UTP15: variants seen among roughly 807,000 people sequenced by gnomAD.
UTP15 encodes the protein UTP15 small subunit processome component, also known as U3 small nucleolar RNA-associated protein 15 homolog.
In UTP15, 5 loss-of-function variants were observed where a neutral mutation model predicts 59.1. The ratio of observed to expected loss-of-function variants is 0.08; its 90% CI spans 0.04 to 0.18. The LOEUF is 0.18. Ranked by LOEUF, UTP15 falls within the 10% of genes least tolerant of loss-of-function variation. The pLI, the probability that UTP15 is intolerant of heterozygous loss-of-function variation, is 1.00. For synonymous variants in UTP15, 211 were observed against 212.2 expected, an observed-to-expected ratio of 0.99 and a Z score of 0.05; for missense variants, 494 against 616.7, an observed-to-expected ratio of 0.80 and a Z score of 2.11.
At chr5:73,577,715 T>C in intron 8 of UTP15, 141 bp from the exon 9 acceptor site, 1 of 689,530 alleles carries the variant, frequency 1.5e-6, no homozygotes. Context: ...CAATCATCGT[T>C]AGGCAGACTA....
Position 73,580,498 on chromosome 5 carries a change from C to G in UTP15, c.*404C>G, listed in dbSNP as rs1408269545. ...GCCTTGTATTACCTCTGGAAGACAA[C>G]AAAAACAATTGGCAACAACAAAAAG... On this transcript the variant is annotated 3_prime_UTR_variant, in exon 13 of 13. Coordinates refer to ENST00000296792, the MANE Select transcript of UTP15 (RefSeq NM_032175.4). 1 of 153,946 alleles carries G rather than the reference C, an allele frequency of 6.5e-6. No individual in the cohort carries two copies. The highest frequency in any genetic ancestry group is 2.4e-5 in the African/African-American group (1 of 41,476). 9.5% of individuals were successfully genotyped at this position (153,946 alleles called of 1,614,324 possible).
chr5:73,568,188 G>A (rs773484102), intron 2 of UTP15, 47 bp from the exon 3 acceptor site: 27 of 1,386,432 alleles, frequency 1.9e-5, no homozygotes, highest in Non-Finnish European at 1.0e-6. Context: ...GCATAAATAG[G>A]TCTTACCAGT....
chr5:73,578,678 A>T (rs912395569), intron 9 of UTP15, 73 bp from the exon 10 acceptor site: 4 of 1,316,960 alleles, frequency 3.0e-6, no homozygotes, highest in Middle Eastern at 1.9e-4. Context: ...CTTCATTATG[A>T]AAAAGTTTAT....
intron 1 of UTP15, chr5:73,566,167 T>G: frequency 4.2e-6 from 1 of 240,266 alleles, no homozygotes; most frequent in East Asian, 1.1e-4. Flanking sequence ...TCTTTGCCTT[T>G]GCTTACGAGG....
rs558636328 is a variant in UTP15 at position 73,572,305 on chromosome 5, T to C, written c.674-184T>C. On this transcript the variant is annotated intron_variant, in intron 6 of 12. Coordinates refer to ENST00000296792, the MANE Select transcript of UTP15 (RefSeq NM_032175.4). ...TAATGGTCATAACAGTTCTGTGAGG[T>C]AGGAACTGTTATTACCAATGACCCA... 7.9e-5 allele frequency among the ~76,000 whole-genome samples: 12 copies of C among 152,292 alleles called. No individual in the cohort carries two copies. The East Asian group carries it at 2.3e-3, about 29-fold the overall frequency.
chr5:73,578,632 T>C (rs1357333735), intron 9 of UTP15, 119 bp from the exon 10 acceptor site: 1 of 809,812 alleles, frequency 1.2e-6, no homozygotes, highest in Non-Finnish European at 2.0e-6. Flanking sequence ...ATTATGGGCA[T>C]ATGAACATTA....
intron 8 of UTP15, 144 bp from the exon 9 acceptor site, chr5:73,577,712 C>T (rs1212514713): frequency 3.0e-6 from 2 of 674,062 alleles, no homozygotes; most frequent in Non-Finnish European, 4.8e-6. Flanking sequence ...CACCAATCAT[C>T]GTTAGGCAGA....
At chr5:73,576,851 G>A in intron 7 of UTP15, 101 bp from the exon 8 acceptor site, 1 of 784,826 alleles carries the variant, frequency 1.3e-6, no homozygotes, top group Non-Finnish European at 2.1e-6. Flanking sequence ...CTTCACTGTT[G>A]TACAGATTTT....
chr5:73,566,257 T>A, intron 1 of UTP15: 1 of 211,848 alleles, frequency 4.7e-6, no homozygotes, highest in Non-Finnish European at 9.8e-6. Context: ...ACTATTTGGA[T>A]GTTAGGAGTG....
At chr5:73,577,074 C>G in intron 8 of UTP15, 38 bp downstream of exon 8, 2 of 1,450,910 alleles carry the variant, frequency 1.4e-6, no homozygotes, top group Non-Finnish European at 1.9e-6. Flanking sequence ...TGTCACTAAC[C>G]CTGCCTGTTA....
intron 7 of UTP15, among the ~76,000 whole-genome samples, chr5:73,574,724 A>T (rs1748038693): frequency 6.6e-6 from 1 of 152,132 alleles, no homozygotes. Flanking sequence ...TGAGTTCAAC[A>T]GATCCTCCCA....
chr5:73,579,283 A>C, intron 11 of UTP15, 34 bp from the exon 12 acceptor site: 1 of 1,596,900 alleles, frequency 6.3e-7, no homozygotes, highest in Non-Finnish European at 8.5e-7. Flanking sequence ...TTTTAAGTTT[A>C]CAAGTTTCAC....
intron 7 of UTP15, among the ~76,000 whole-genome samples, chr5:73,574,802 T>C (rs1748042200): frequency 6.6e-6 from 1 of 152,224 alleles, no homozygotes; most frequent in South Asian, 2.1e-4. Flanking sequence ...ATCTATTTTT[T>C]ATTATTTTAT....
In UTP15 at chr5:73,582,764, C is replaced by T. The variant is rs1748361259; in HGVS notation, c.*2670C>T. ...GTATTTAAACATAATTGGCATATTACAATATGTGACACTGGCCTTAAGATT... is the reference window on the plus strand; with the variant it reads ...GTATTTAAACATAATTGGCATATTATAATATGTGACACTGGCCTTAAGATT... On this transcript the variant is annotated 3_prime_UTR_variant, in exon 13 of 13. Coordinates refer to ENST00000296792, the MANE Select transcript of UTP15 (RefSeq NM_032175.4). 2 of 152,162 alleles carry T rather than the reference C, an allele frequency of 1.3e-5. No homozygotes were observed. The highest frequency in any genetic ancestry group is 2.4e-5 in the African/African-American group (1 of 41,440). 9.4% of individuals were successfully genotyped at this position (152,162 alleles called of 1,614,324 possible). A position where few individuals can be genotyped will look rare whatever the true frequency, so the allele number is the denominator to read the frequency against.
intron 6 of UTP15, among the ~76,000 whole-genome samples, chr5:73,572,258 T>G (rs554289669): frequency 1.5e-4 from 23 of 152,390 alleles, no homozygotes; most frequent in African/African-American, 4.3e-4. Flanking sequence ...CTGGAATTTA[T>G]GTACACTTCA....
chr5:73,569,220 C>T (rs952993121), intron 4 of UTP15, among the ~76,000 whole-genome samples: 1 of 152,072 alleles, frequency 6.6e-6, no homozygotes, highest in Non-Finnish European at 1.5e-5. Flanking sequence ...CTTCCATATT[C>T]AGCAGCTAAG....
chr5:73,579,986 C>T lies in UTP15; in HGVS notation c.1449C>T (p.Thr483=). The part of the protein sequence containing the change: ...EIDYQRELLE[T]LGMMDMLFAT... ...ATTACCAAAGAGAATTGTTAGAAAC[C>T]TTGGGGATGATGGATATGCTTTTTG... The change falls in exon 13 of 13, where the codon ACC becomes ACT. Residue 483 remains threonine (T), a synonymous_variant. Transcript: ENST00000296792. 6.2e-7 allele frequency: 1 copy of T among 1,613,646 alleles called. No homozygotes were observed. Among genetic ancestry groups the T allele is most frequent in the Non-Finnish European group, 8.5e-7 (1 of 1,179,810 alleles).
At position 73,579,067 on chromosome 5, in the gene UTP15, G is replaced by A. The variant is rs1748216798; in HGVS notation, c.1197G>A (p.Glu399=). Residue 399 remains glutamate, a synonymous_variant, in exon 11 of 13, where the codon GAG becomes GAA. Transcript: ENST00000296792. ...TPEITVSIIK[E]LNRRGVLANA... Reference sequence around the variant, plus strand: ...AGATTACGGTGTCCATCATAAAGGAGTTAAATCGAAGAGGAGTCCTTGCAA... The same window carrying A: ...AGATTACGGTGTCCATCATAAAGGAATTAAATCGAAGAGGAGTCCTTGCAA... 2 of 1,613,864 alleles carry A rather than the reference G, an allele frequency of 1.2e-6. No individual in the cohort carries two copies. Among genetic ancestry groups the A allele is most frequent in the Admixed American group, 1.7e-5 (1 of 59,994 alleles).
chr5:73,572,152 C>A (rs2112045294), intron 6 of UTP15, among the ~76,000 whole-genome samples: 1 of 152,312 alleles, frequency 6.6e-6, no homozygotes, highest in Admixed American at 6.5e-5. Context: ...TGCAGATCTA[C>A]ATTATTCACT....
Sources: gnomAD v4.1 joint callset for allele counts (sites outside exome capture counted in the v4.1 genomes callset) on GRCh38, gnomAD v4.1.1 for gene constraint, MANE v1.5 for transcripts, NCBI Gene and HGNC (gene_info 2026-07-23, HGNC 2026-07-21) for gene names.